Variants in CSF2RA observed in about 807,000 individuals in gnomAD.
The protein encoded by CSF2RA is granulocyte-macrophage colony-stimulating factor receptor subunit alpha.
A neutral mutation model predicts 51.6 loss-of-function variants in CSF2RA; 42 were observed. That is an observed-to-expected ratio of 0.81 (90% CI 0.64 to 1.05). The LOEUF is 1.05. Among genes scored for constraint, CSF2RA ranks in the 50% least tolerant of loss-of-function variants. The probability of loss-of-function intolerance (pLI) is 0.00; values close to 1 mark genes in which losing one functional copy is unlikely to be tolerated. For synonymous variants in CSF2RA, 222 were observed against 193.0 expected, an observed-to-expected ratio of 1.15 and a Z score of -1.24; for missense variants, 530 against 501.1, an observed-to-expected ratio of 1.06 and a Z score of -0.55.
chrX:1,314,963 CCCCACTGTGCCTGCCCAAT>C (rs1387526597), downstream of CSF2RA, among the ~76,000 whole-genome samples: 19 of 108,282 alleles, frequency 1.8e-4, no homozygotes, highest in African/African-American at 5.6e-4. Flanking sequence ...GCCTGCCCAA[CCCCACTGTGCCTGCCCAAT>C]CGCACTGCAC....
At chrX:1,318,001 T>C in the CSF2RA span, among the ~76,000 whole-genome samples, 1 of 150,874 alleles carries the variant, frequency 6.6e-6, no homozygotes, top group Non-Finnish European at 1.5e-5. Context: ...TTTTTCTTTT[T>C]TTTGTGAGAC....
intron 9 of CSF2RA, among the ~76,000 whole-genome samples, chrX:1,295,924 G>A (rs73618044): frequency 0.012 from 1,604 of 130,960 alleles, 46 homozygotes; most frequent in African/African-American, 0.045. Context: ...GACCTCCAGC[G>A]TAACCCTACA....
intron 11 of CSF2RA, 130 bp downstream of exon 11, chrX:1,304,149 C>G: frequency 1.2e-6 from 1 of 822,498 alleles, no homozygotes; most frequent in Non-Finnish European, 2.1e-6. Flanking sequence ...TGGCTCATGC[C>G]TGTAATCCCA....
downstream of CSF2RA, among the ~76,000 whole-genome samples, chrX:1,314,545 T>C (rs370615840): frequency 0.47 from 7,811 of 16,640 alleles, 1,428 homozygotes; most frequent in Middle Eastern, 0.64. Flanking sequence ...ACCTGCCCAA[T>C]CCCACTGCAC....
In CSF2RA at chrX:1,309,569, AT is replaced by A. The variant is rs1170747276; in HGVS notation, c.*94del. The A allele has an allele frequency of 6.2e-7, 1 of 1,613,698 alleles. No individual in the cohort carries two copies. Among genetic ancestry groups the A allele is most frequent in the Admixed American group, 1.7e-5 (1 of 59,974 alleles). On this transcript the variant is annotated 3_prime_UTR_variant, in exon 13 of 13. Coordinates refer to ENST00000381529, the MANE Select transcript of CSF2RA (RefSeq NM_172245.4). Reference sequence around the variant, plus strand: ...TGATGATGCTGTGAACCTTTATATCATTTTCTATGTTTTTATTTAAAAACAT... The same window carrying A: ...TGATGATGCTGTGAACCTTTATATCATTTCTATGTTTTTATTTAAAAACAT...
intron 2 of CSF2RA, among the ~76,000 whole-genome samples, chrX:1,275,640 C>G (rs191921931): frequency 0.31 from 46,797 of 151,180 alleles, 8,917 homozygotes; most frequent in Non-Finnish European, 0.43. Flanking sequence ...CTCACTGCAA[C>G]CTCCGCCTCC....
rs1187033340 is a variant in CSF2RA at position 1,287,026 on chromosome X, G to C, written c.219+1106G>C. 3.3e-5 allele frequency: 5 copies of C among 152,166 alleles called. No individual in the cohort carries two copies. In the East Asian group the frequency reaches 9.7e-4, roughly 29 times the overall value. The allele number at this position is 152,166 out of a possible 1,614,324, so 9.4% of individuals were successfully genotyped here. A position where few individuals can be genotyped will look rare whatever the true frequency, so the allele number is the denominator to read the frequency against. ...AGAAATATGGATGATCGATAGATAG[G>C]TGATAGATGATTTATTGACTGATAG... On this transcript the variant is annotated intron_variant, in intron 4 of 12. Transcript: ENST00000381529.
chrX:1,280,471 C>CAAAAA (rs750353851), intron 2 of CSF2RA, among the ~76,000 whole-genome samples: 1 of 129,438 alleles, frequency 7.7e-6, no homozygotes, highest in Non-Finnish European at 1.7e-5. Flanking sequence ...AACTCCGTCT[C>CAAAAA]AAAAAAAAAA....
the CSF2RA span, among the ~76,000 whole-genome samples, chrX:1,323,234 C>G: frequency 7.0e-6 from 1 of 142,486 alleles, no homozygotes; most frequent in African/African-American, 2.6e-5. Context: ...TGAAGATGAA[C>G]CGGGAGCGGT....
At chrX:1,280,928 T>TCTCCTCCTCCTCCTCCTG in intron 2 of CSF2RA, among the ~76,000 whole-genome samples, 1 of 19,806 alleles carries the variant, frequency 5.0e-5, no homozygotes, top group Admixed American at 5.2e-4. Context: ...TCCTCCTCCT[T>TCTCCTCCTCCTCCTCCTG]CTCCTCCTCC....
intron 1 of CSF2RA, among the ~76,000 whole-genome samples, chrX:1,273,810 G>A (rs1333376469): frequency 6.8e-6 from 1 of 147,636 alleles, no homozygotes; most frequent in Non-Finnish European, 1.5e-5. Flanking sequence ...GTGTTTGCCA[G>A]GATGGTCTCG....
intron 2 of CSF2RA, among the ~76,000 whole-genome samples, chrX:1,277,929 A>G (rs2089408425): frequency 6.9e-6 from 1 of 145,190 alleles, no homozygotes; most frequent in Admixed American, 7.1e-5. Context: ...GTGAGCCGAG[A>G]TGGCACCACT....
At chrX:1,281,205 CTCCTCCTTCTCCTACTCCTCCTTCTCCTA>C (rs2090003308) in intron 2 of CSF2RA, among the ~76,000 whole-genome samples, 3 of 97,966 alleles carry the variant, frequency 3.1e-5, no homozygotes, top group African/African-American at 3.3e-5. Context: ...CCTTCTCCTA[CTCCTCCTTCTCCTACTCCTCCTTCTCCTA>C]CTCCTCCTTC....
At chrX:1,322,385 T>G in the CSF2RA span, among the ~76,000 whole-genome samples, 1 of 150,480 alleles carries the variant, frequency 6.6e-6, no homozygotes, top group African/African-American at 2.4e-5. Context: ...GTGCTGGGAT[T>G]ACAGGCATCA....
chrX:1,281,270 GCTC>G (rs2090019234), intron 2 of CSF2RA, among the ~76,000 whole-genome samples: 1 of 47,686 alleles, frequency 2.1e-5, no homozygotes, highest in Non-Finnish European at 4.0e-5. Flanking sequence ...TCCTCCTCCT[GCTC>G]CTTCTCCTCC....
chrX:1,284,183 T>TTCTC (rs199930772), intron 3 of CSF2RA, among the ~76,000 whole-genome samples: 1 of 132,108 alleles, frequency 7.6e-6, no homozygotes, highest in African/African-American at 3.0e-5. Context: ...GCGGTTTTCT[T>TTCTC]TCTCTGTCTC....
intron 8 of CSF2RA, among the ~76,000 whole-genome samples, chrX:1,295,143 G>T (rs766523638): frequency 2.0e-5 from 3 of 151,348 alleles, no homozygotes; most frequent in Non-Finnish European, 4.4e-5. Flanking sequence ...AGGAGAGCCT[G>T]CTCCATGTCT....
intron 2 of CSF2RA, among the ~76,000 whole-genome samples, chrX:1,281,468 T>C (rs1386782151): frequency 3.3e-3 from 208 of 62,634 alleles, no homozygotes; most frequent in South Asian, 5.8e-3. Context: ...TCCTCCTCCT[T>C]CTCCTCCTGC....
chrX:1,281,169 CT>C (rs2089990402), intron 2 of CSF2RA, among the ~76,000 whole-genome samples: 1 of 129,604 alleles, frequency 7.7e-6, no homozygotes, highest in Non-Finnish European at 1.6e-5. Context: ...CCTCCTACTC[CT>C]CCTTCTCCTC....
Sources: allele counts gnomAD v4.1 joint callset (sites outside exome capture counted in the v4.1 genomes callset), GRCh38; gene constraint gnomAD v4.1.1; transcripts MANE v1.5; gene names NCBI Gene and HGNC (gene_info 2026-07-23, HGNC 2026-07-21).